GMDS: variants seen among roughly 807,000 people sequenced by gnomAD.
GMDS encodes GDP-mannose 4,6-dehydratase.
In GMDS, 20 loss-of-function variants were observed where a neutral mutation model predicts 49.9. The ratio of observed to expected loss-of-function variants is 0.40; its 90% CI spans 0.28 to 0.58. The LOEUF (loss-of-function observed/expected upper bound fraction) is 0.58. Ranked by LOEUF, GMDS falls within the 20% of genes least tolerant of loss-of-function variation. GMDS has a pLI of 0.42. For missense variants in GMDS, 362 were observed against 481.4 expected (o/e 0.75, Z 2.32); for synonymous variants, 177 against 178.6 (o/e 0.99, Z 0.07).
intron 9 of GMDS, among the ~76,000 whole-genome samples, chr6:1,663,568 C>T (rs566654654): frequency 3.3e-5 from 5 of 152,182 alleles, no homozygotes; most frequent in African/African-American, 1.2e-4. Context: ...TCCTCACAGC[C>T]TGGAACCCCA....
chr6:2,175,133 G>C (rs966518953), intron 1 of GMDS, among the ~76,000 whole-genome samples: 8 of 152,220 alleles, frequency 5.3e-5, no homozygotes, highest in Admixed American at 2.6e-4. Context: ...CTTATGGTTG[G>C]ATGATTTGGG....
intron 4 of GMDS, among the ~76,000 whole-genome samples, chr6:2,109,212 G>A (rs533392108): frequency 2.0e-5 from 3 of 152,088 alleles, no homozygotes; most frequent in East Asian, 1.9e-4. Flanking sequence ...GACACACAGC[G>A]GCCAATGCAT....
chr6:1,658,649 A>T (rs909344610), intron 9 of GMDS, among the ~76,000 whole-genome samples: 5 of 152,270 alleles, frequency 3.3e-5, no homozygotes, highest in Non-Finnish European at 7.3e-5. Flanking sequence ...AGTAAGATTT[A>T]AAAAATCAAC....
At chr6:2,152,730 G>T (rs951415568) in intron 1 of GMDS, among the ~76,000 whole-genome samples, 6 of 152,132 alleles carry the variant, frequency 3.9e-5, no homozygotes, top group African/African-American at 1.4e-4. Flanking sequence ...ATTTGGACAG[G>T]TGACAAAATT....
intron 4 of GMDS, among the ~76,000 whole-genome samples, chr6:2,059,668 A>T (rs1361124317): frequency 1.7e-5 from 2 of 115,152 alleles, no homozygotes; most frequent in African/African-American, 6.6e-5. Flanking sequence ...AGATCGCACC[A>T]CTGCACTCCA....
chr6:2,065,635 A>G lies in GMDS; in HGVS notation c.345+50136T>C, dbSNP rs566331135. ...ACTACGTGAAGAATGCAGAAGCCTC[A>G]GGAGCTGATGCGATCAACTGGAAGA... On this transcript the variant is annotated intron_variant, in intron 4 of 10. Transcript: ENST00000380815. Among the ~76,000 whole-genome samples the G allele has an allele frequency of 2.3e-3, 345 of 152,298 alleles. 1 individual carries two copies. Among genetic ancestry groups the G allele is most frequent in the African/African-American group, 8.0e-3 (333 of 41,558 alleles).
chr6:1,898,487 C>T (rs1404720441), intron 7 of GMDS, among the ~76,000 whole-genome samples: 1 of 152,094 alleles, frequency 6.6e-6, no homozygotes, highest in Non-Finnish European at 1.5e-5. Context: ...ACCTCCTTTT[C>T]TATAATATGG....
At chr6:1,735,167 C>T (rs1766959904) in intron 8 of GMDS, among the ~76,000 whole-genome samples, 1 of 151,554 alleles carries the variant, frequency 6.6e-6, no homozygotes, top group African/African-American at 2.4e-5. Flanking sequence ...CCCAAGTACC[C>T]CCAGAGTCGC....
intron 9 of GMDS, among the ~76,000 whole-genome samples, chr6:1,629,913 G>A (rs1561685116): frequency 6.6e-6 from 1 of 152,176 alleles, no homozygotes; most frequent in Non-Finnish European, 1.5e-5. Flanking sequence ...GGCTAGTACA[G>A]TAGAGCTTTC....
chr6:2,127,966 G>C (rs539403402), intron 1 of GMDS, among the ~76,000 whole-genome samples: 2 of 152,336 alleles, frequency 1.3e-5, no homozygotes, highest in Admixed American at 6.5e-5. Flanking sequence ...AACTCATTCA[G>C]TATGAACACA....
intron 4 of GMDS, among the ~76,000 whole-genome samples, chr6:1,992,911 T>C (rs1766042718): frequency 6.6e-6 from 1 of 152,154 alleles, no homozygotes; most frequent in Non-Finnish European, 1.5e-5. Context: ...ACCAGCTCTG[T>C]CCCAACCAAC....
chr6:1,980,695 A>T (rs10900915), intron 4 of GMDS, among the ~76,000 whole-genome samples: 3 of 152,018 alleles, frequency 2.0e-5, no homozygotes, highest in South Asian at 2.1e-4. Flanking sequence ...CTCTGGATCA[A>T]GAGGATCTGA....
At chr6:2,001,798 T>G (rs1766833645) in intron 4 of GMDS, among the ~76,000 whole-genome samples, 1 of 152,138 alleles carries the variant, frequency 6.6e-6, no homozygotes, top group South Asian at 2.1e-4. Flanking sequence ...AAGAGTAGTC[T>G]TTTCAACAAA....
chr6:1,929,727 G>C (rs1379994224), intron 7 of GMDS, among the ~76,000 whole-genome samples: 1 of 152,152 alleles, frequency 6.6e-6, no homozygotes, highest in Non-Finnish European at 1.5e-5. Flanking sequence ...CAAGAATCTT[G>C]AATTATATAC....
At chr6:2,238,985 C>T (rs983442046) in intron 1 of GMDS, among the ~76,000 whole-genome samples, 1 of 152,094 alleles carries the variant, frequency 6.6e-6, no homozygotes, top group Admixed American at 6.5e-5. Flanking sequence ...AGTTTACAAA[C>T]TTAATTTCAA....
intron 4 of GMDS, among the ~76,000 whole-genome samples, chr6:2,063,934 C>T (rs963085085): frequency 7.2e-5 from 11 of 152,186 alleles, no homozygotes; most frequent in African/African-American, 2.7e-4. Context: ...GCCCCTAACA[C>T]TGCTAGTCAA....
intron 1 of GMDS, among the ~76,000 whole-genome samples, chr6:2,188,594 C>T (rs2127567044): frequency 6.6e-6 from 1 of 152,340 alleles, no homozygotes; most frequent in East Asian, 1.9e-4. Flanking sequence ...CAAGTTATTG[C>T]TTCATCGACA....
chr6:2,195,589 G>T lies in GMDS; in HGVS notation c.102+49732C>A, dbSNP rs182290863. Among the ~76,000 whole-genome samples, 39 of 152,146 alleles carry T rather than the reference G, an allele frequency of 2.6e-4. 2 individuals are homozygous for T. In the East Asian group the frequency reaches 6.2e-3, roughly 24 times the overall value. On this transcript the variant is annotated intron_variant, in intron 1 of 10. Transcript: ENST00000380815. The stretch of plus-strand genomic sequence containing the variant: ...AGTAAGTTTTTAAAAGCCTTCTTTG[G>T]AAATAATTAAGTCCATAAAAATTAC...
chr6:1,964,517 G>A (rs182102514), intron 4 of GMDS, among the ~76,000 whole-genome samples: 10 of 152,210 alleles, frequency 6.6e-5, no homozygotes, highest in South Asian at 6.2e-4. Context: ...CGTGGTGAAC[G>A]TTCTATATAC....
Sources: gnomAD v4.1 joint callset for allele counts (sites outside exome capture counted in the v4.1 genomes callset) on GRCh38, gnomAD v4.1.1 for gene constraint, MANE v1.5 for transcripts, NCBI Gene and HGNC (gene_info 2026-07-23, HGNC 2026-07-21) for gene names.